Variants in IL17A observed in about 807,000 individuals in gnomAD.
The protein encoded by IL17A is interleukin-17A.
A neutral mutation model predicts 7.2 loss-of-function variants in IL17A; 1 was observed. That is an observed-to-expected ratio of 0.14 (90% CI 0.05 to 0.66). IL17A has a LOEUF of 0.66. Among genes scored for constraint, IL17A ranks in the 30% least tolerant of loss-of-function variants. The pLI is 0.84. For missense variants in IL17A, 191 were observed against 197.1 expected, an observed-to-expected ratio of 0.97 and a Z score of 0.18; for synonymous variants, 90 against 77.7, an observed-to-expected ratio of 1.16 and a Z score of -0.83.
chr6:52,189,497 A>G lies in IL17A; in HGVS notation c.*205A>G. The G allele has an allele frequency of 4.0e-6, 2 of 497,016 alleles. No individual in the cohort carries two copies. Among genetic ancestry groups the G allele is most frequent in the East Asian group, 6.3e-5 (2 of 31,958 alleles). The allele number at this position is 497,016 out of a possible 1,614,324, so 30.8% of individuals were successfully genotyped here. On this transcript the variant is annotated 3_prime_UTR_variant, in exon 3 of 3. Transcript: ENST00000648244. The stretch of plus-strand genomic sequence containing the variant: ...TTACCTTTCCCTCTTTCCAAGAAGG[A>G]AGGTTTGACTGAGTACCAATTTGCT...
intron 2 of IL17A, 137 bp from the exon 3 acceptor site, chr6:52,188,918 A>G: frequency 3.1e-6 from 2 of 644,464 alleles, no homozygotes. Context: ...TCTTCTTCAA[A>G]CTAACATCAT....
intron 1 of IL17A, 110 bp from the exon 2 acceptor site, chr6:52,187,493 T>C: frequency 1.1e-6 from 1 of 884,110 alleles, no homozygotes; most frequent in South Asian, 1.4e-5. Context: ...TCCTGGAACA[T>C]TGTGTGTTCT....
chr6:52,189,685 TAAA>T lies in IL17A; in HGVS notation c.*395_*397del, dbSNP rs1352231112. On this transcript the variant is annotated 3_prime_UTR_variant, in exon 3 of 3. Coordinates refer to ENST00000648244, the MANE Select transcript of IL17A (RefSeq NM_002190.3). ...CTTGGGAATTTTATTATTTAAAAGG[TAAA>T]ACCTGTATTTATTTGAGCTATTTAA... 6.2e-6 allele frequency: 1 copy of T among 161,896 alleles called. No individual in the cohort carries two copies. The highest frequency in any genetic ancestry group is 1.3e-5 in the Non-Finnish European group (1 of 74,814). 10.0% of individuals were successfully genotyped at this position (161,896 alleles called of 1,614,324 possible).
chr6:52,186,515 G>C, intron 1 of IL17A, 57 bp downstream of exon 1: 1 of 1,566,598 alleles, frequency 6.4e-7, no homozygotes, highest in Non-Finnish European at 8.8e-7. Context: ...TAGTATTTCT[G>C]GACCGTGGGC....
chr6:52,188,887 A>C (rs1014176329), intron 2 of IL17A, among the ~76,000 whole-genome samples, 168 bp from the exon 3 acceptor site: 7 of 152,158 alleles, frequency 4.6e-5, no homozygotes, highest in African/African-American at 1.7e-4. Context: ...TTGAAAAAAA[A>C]ATCCAATTTG....
At position 52,189,176 on chromosome 6, in the gene IL17A, G is replaced by C; in HGVS notation, c.352G>C (p.Glu118Gln). ...YHMNSVPIQQEILVLRREPPH... is the reference protein window; with the variant it reads ...YHMNSVPIQQQILVLRREPPH... ...CATGAACTCTGTCCCCATCCAGCAAGAGATCCTGGTCCTGCGCAGGGAGCC... is the reference window on the plus strand; with the variant it reads ...CATGAACTCTGTCCCCATCCAGCAACAGATCCTGGTCCTGCGCAGGGAGCC... The change falls in exon 3 of 3, where the codon GAG becomes CAG. Residue 118 changes from glutamate (E) to glutamine (Q), a missense_variant. Coordinates refer to ENST00000648244, the MANE Select transcript of IL17A (RefSeq NM_002190.3). The C allele has an allele frequency of 1.9e-6, 3 of 1,614,162 alleles. 1 individual carries two copies. In the South Asian group the frequency reaches 3.3e-5, roughly 18 times the overall value.
At chr6:52,187,131 T>C (rs1318726706) in intron 1 of IL17A, among the ~76,000 whole-genome samples, 1 of 152,200 alleles carries the variant, frequency 6.6e-6, no homozygotes, top group African/African-American at 2.4e-5. Context: ...TGATACCACA[T>C]AGATTTTCTA....
Position 52,189,108 on chromosome 6 carries a change from G to A in IL17A, c.284G>A (p.Arg95His), listed in dbSNP as rs755641354. ...YPSVIWEAKC[R>H]HLGCINADGN... ...TCTGTGATCTGGGAGGCAAAGTGCC[G>A]CCACTTGGGCTGCATCAACGCTGAT... The change falls in exon 3 of 3, where the codon CGC (arginine) becomes CAC (histidine). Residue 95 changes from arginine to histidine, a missense_variant. Transcript: ENST00000648244. 6.5e-5 allele frequency: 105 copies of A among 1,614,108 alleles called. No individual in the cohort carries two copies. Among genetic ancestry groups the A allele is most frequent in the Admixed American group, 6.2e-4 (37 of 60,026 alleles).
chr6:52,186,510 T>C (rs1582236929), intron 1 of IL17A, 52 bp downstream of exon 1: 2 of 1,589,090 alleles, frequency 1.3e-6, no homozygotes, highest in South Asian at 2.2e-5. Context: ...CCAGATAGTA[T>C]TTCTGGACCG....
chr6:52,189,296 C>T lies in IL17A; in HGVS notation c.*4C>T. 6.2e-7 allele frequency: 1 copy of T among 1,610,528 alleles called. No homozygotes were observed. On this transcript the variant is annotated 3_prime_UTR_variant, in exon 3 of 3. Coordinates refer to ENST00000648244, the MANE Select transcript of IL17A (RefSeq NM_002190.3). ...GATTGTCCACCATGTGGCCTAAGAG[C>T]TCTGGGGAGCCCACACTCCCCAAAG...
At position 52,189,112 on chromosome 6, in the gene IL17A, C is replaced by T. The variant is rs957331391; in HGVS notation, c.288C>T (p.His96=). 5.0e-6 allele frequency: 8 copies of T among 1,614,032 alleles called. No individual in the cohort carries two copies. The African/African-American group carries it at 1.1e-4, about 22-fold the overall frequency. ...PSVIWEAKCR[H]LGCINADGNV... ...TGATCTGGGAGGCAAAGTGCCGCCA[C>T]TTGGGCTGCATCAACGCTGATGGGA... is the stretch of plus-strand genomic sequence containing the variant. The change falls in exon 3 of 3, where the codon CAC becomes CAT. Residue 96 remains histidine (H), a synonymous_variant. Coordinates refer to ENST00000648244, the MANE Select transcript of IL17A (RefSeq NM_002190.3).
Position 52,189,187 on chromosome 6 carries a change from C to T in IL17A, c.363C>T (p.Val121=). The T allele has an allele frequency of 6.2e-7, 1 of 1,614,148 alleles. No homozygotes were observed. The highest frequency in any genetic ancestry group is 8.5e-7 in the Non-Finnish European group (1 of 1,180,006). The change falls in exon 3 of 3, where the codon GTC becomes GTT. Residue 121 remains valine, a synonymous_variant. Transcript: ENST00000648244. ...NSVPIQQEIL[V]LRREPPHCPN... ...TCCCCATCCAGCAAGAGATCCTGGTCCTGCGCAGGGAGCCTCCACACTGCC... is the reference window on the plus strand; with the variant it reads ...TCCCCATCCAGCAAGAGATCCTGGTTCTGCGCAGGGAGCCTCCACACTGCC...
rs757033410 is a variant in IL17A, at chr6:52,189,985, C to T, written c.*693C>T. 8 of 152,192 alleles carry T rather than the reference C, an allele frequency of 5.3e-5. No individual in the cohort carries two copies. The highest frequency in any genetic ancestry group is 4.6e-4 in the Admixed American group (7 of 15,298). 9.4% of individuals were successfully genotyped at this position (152,192 alleles called of 1,614,324 possible). On this transcript the variant is annotated 3_prime_UTR_variant, in exon 3 of 3. Transcript: ENST00000648244. ...AGTCTAACTCTCTGTTCCATTAAACCCTTATAATAAAATCCTTCTGTAATA... is the reference window on the plus strand; with the variant it reads ...AGTCTAACTCTCTGTTCCATTAAACTCTTATAATAAAATCCTTCTGTAATA...
intron 2 of IL17A, among the ~76,000 whole-genome samples, chr6:52,188,779 AT>A (rs1171474554): frequency 9.7e-6 from 1 of 103,208 alleles, no homozygotes. Context: ...TCAAACTTAA[AT>A]TTTTTCTGTG....
Position 52,187,673 on chromosome 6 carries a change from G to A in IL17A, c.98G>A (p.Cys33Tyr). Residue 33 changes from cysteine to tyrosine, a missense_variant, in exon 2 of 3, where the codon TGC becomes TAC. By Grantham distance (194) the Cys-to-Tyr change is radical. Coordinates refer to ENST00000648244, the MANE Select transcript of IL17A (RefSeq NM_002190.3). The stretch of plus-strand genomic sequence containing the variant: ...ATCACAATCCCACGAAATCCAGGAT[G>A]CCCAAATTCTGAGGACAAGAACTTC... ...AGITIPRNPG[C>Y]PNSEDKNFPR... The A allele has an allele frequency of 6.2e-7, 1 of 1,614,104 alleles. No homozygotes were observed. The highest frequency in any genetic ancestry group is 8.5e-7 in the Non-Finnish European group (1 of 1,179,984).
intron 1 of IL17A, among the ~76,000 whole-genome samples, 191 bp downstream of exon 1, chr6:52,186,649 G>A (rs891988041): frequency 2.0e-5 from 3 of 152,208 alleles, no homozygotes; most frequent in Non-Finnish European, 4.4e-5. Flanking sequence ...ACAGCAGTTT[G>A]AAAGATAAGA....
rs1763336672 is a variant in IL17A at position 52,189,286 on chromosome 6, G to C, written c.462G>C (p.Val154=). 5 of 1,613,416 alleles carry C rather than the reference G, an allele frequency of 3.1e-6. No homozygotes were observed. Among genetic ancestry groups the C allele is most frequent in the Non-Finnish European group, 3.4e-6 (4 of 1,179,616 alleles). ...CTCVTPIVHH[V]A ...GTGTCACCCCGATTGTCCACCATGTGGCCTAAGAGCTCTGGGGAGCCCACA... is the reference window on the plus strand; with the variant it reads ...GTGTCACCCCGATTGTCCACCATGTCGCCTAAGAGCTCTGGGGAGCCCACA... Residue 154 remains valine (V), a synonymous_variant, in exon 3 of 3, where the codon GTG becomes GTC. Transcript: ENST00000648244.
In IL17A at chr6:52,189,090, T is replaced by A. The variant is rs1763331606; in HGVS notation, c.266T>A (p.Ile89Asn). ...NEDPERYPSV[I>N]WEAKCRHLGC... is the part of the protein sequence containing the mutation. Reference sequence around the variant, plus strand: ...GACCCTGAGAGATATCCCTCTGTGATCTGGGAGGCAAAGTGCCGCCACTTG... The same window carrying A: ...GACCCTGAGAGATATCCCTCTGTGAACTGGGAGGCAAAGTGCCGCCACTTG... Residue 89 changes from isoleucine to asparagine, a missense_variant, in exon 3 of 3, where the codon ATC becomes AAC. By Grantham distance (149) the Ile-to-Asn change is moderately radical. Coordinates refer to ENST00000648244, the MANE Select transcript of IL17A (RefSeq NM_002190.3). 2 of 1,614,092 alleles carry A rather than the reference T, an allele frequency of 1.2e-6. No homozygotes were observed. The highest frequency in any genetic ancestry group is 1.7e-6 in the Non-Finnish European group (2 of 1,179,968).
At chr6:52,187,514 C>A (rs1032003498) in intron 1 of IL17A, 89 bp from the exon 2 acceptor site, 1 of 975,564 alleles carries the variant, frequency 1.0e-6, no homozygotes, top group Non-Finnish European at 1.7e-6. Flanking sequence ...CTATGATTAG[C>A]AATGCATCAT....
Sources: gnomAD v4.1 joint callset for allele counts (sites outside exome capture counted in the v4.1 genomes callset) on GRCh38, gnomAD v4.1.1 for gene constraint, MANE v1.5 for transcripts, NCBI Gene and HGNC (gene_info 2026-07-23, HGNC 2026-07-21) for gene names.